The following VPS8 variants were observed in gnomAD, a reference collection of about 807,000 sequenced individuals.
VPS8 encodes the protein vacuolar protein sorting-associated protein 8 homolog.
Under a neutral mutation model 216.4 loss-of-function variants are expected in VPS8, and 129 were observed. The observed-to-expected ratio is 0.60, with a 90% CI of 0.52 to 0.69. The LOEUF is 0.69. Among genes scored for constraint, VPS8 ranks in the 30% least tolerant of loss-of-function variants. The pLI is 0.00. For missense variants in VPS8, 1,531 were observed against 1,683.5 expected (o/e 0.91, Z 1.59); for synonymous variants, 571 against 565.4 (o/e 1.01, Z -0.14).
rs1284386441 is a variant in VPS8, at chr3:184,929,586, A to G, written c.2721A>G (p.Gln907=). The G allele has an allele frequency of 2.0e-6, 3 of 1,512,970 alleles. No individual in the cohort carries two copies. The highest frequency in any genetic ancestry group is 2.7e-6 in the Non-Finnish European group (3 of 1,118,896). The allele number at this position is 1,512,970 out of a possible 1,614,324, so 93.7% of individuals were successfully genotyped here. A position where few individuals can be genotyped will look rare whatever the true frequency, so the allele number is the denominator to read the frequency against. ...IRMAEKAEFY[Q]ICEFMYEREH... is the part of the protein sequence containing the mutation. ...TTTTCCCTTTACATTCTAGCTATCA[A>G]ATTTGTGAATTTATGTATGAAAGAG... Residue 907 remains glutamine (Q), a synonymous_variant, in exon 33 of 48, where the codon CAA becomes CAG. Coordinates refer to ENST00000625842, the MANE Select transcript of VPS8 (RefSeq NM_001009921.3).
At chr3:184,911,440 C>G (rs1289541586) in intron 25 of VPS8, among the ~76,000 whole-genome samples, 2 of 152,110 alleles carry the variant, frequency 1.3e-5, no homozygotes, top group Admixed American at 6.5e-5. Flanking sequence ...TTTATTTTAC[C>G]AAGGTTGAGG....
intron 27 of VPS8, 66 bp downstream of exon 27, chr3:184,915,119 T>A: frequency 6.4e-7 from 1 of 1,564,156 alleles, no homozygotes; most frequent in South Asian, 1.1e-5. Context: ...TGAAGACAAA[T>A]TGCAGTTGAG....
At chr3:184,937,345 G>A (rs1741820420) in intron 35 of VPS8, among the ~76,000 whole-genome samples, 1 of 152,118 alleles carries the variant, frequency 6.6e-6, no homozygotes, top group Non-Finnish European at 1.5e-5. Context: ...ATAGTGGTTG[G>A]GAATAGCTGT....
At position 184,863,021 on chromosome 3, in the gene VPS8, G is replaced by T. The variant is rs1255297699; in HGVS notation, c.1349G>T (p.Ser450Ile). 2 of 1,613,904 alleles carry T rather than the reference G, an allele frequency of 1.2e-6. No homozygotes were observed. Among genetic ancestry groups the T allele is most frequent in the South Asian group, 2.2e-5 (2 of 91,078 alleles). ...ISEVQLVYNSSHFKSLATGGN... is the reference protein window; with the variant it reads ...ISEVQLVYNSIHFKSLATGGN... Reference sequence around the variant, plus strand: ...GAAGTTCAGCTGGTCTACAATAGCAGCCATTTCAAATCACTAGCCACTGGA... The same window carrying T: ...GAAGTTCAGCTGGTCTACAATAGCATCCATTTCAAATCACTAGCCACTGGA... Residue 450 changes from serine (S) to isoleucine (I), a missense_variant, in exon 16 of 48, where the codon AGC (serine) becomes ATC (isoleucine). Physicochemically the swap from Ser to Ile is moderately radical, Grantham distance 142. This residue lies in a region of VPS8 where 1,318 missense variants were observed against 1,468.4 expected (regional missense o/e 0.90). Transcript: ENST00000625842.
At chr3:184,987,948 A>G (rs1751365608) in intron 42 of VPS8, among the ~76,000 whole-genome samples, 1 of 152,168 alleles carries the variant, frequency 6.6e-6, no homozygotes, top group African/African-American at 2.4e-5. Context: ...TAGTCTCATC[A>G]TTGTTTTAAT....
intron 45 of VPS8, among the ~76,000 whole-genome samples, chr3:185,012,951 T>TTTCTA (rs1755237662): frequency 1.3e-5 from 2 of 151,626 alleles, no homozygotes; most frequent in African/African-American, 4.9e-5. Context: ...AGATTATAGA[T>TTTCTA]TAGCTAAAAG....
At chr3:184,870,560 G>T (rs1002723120) in intron 20 of VPS8, among the ~76,000 whole-genome samples, 156 bp from the exon 21 acceptor site, 1 of 152,146 alleles carries the variant, frequency 6.6e-6, no homozygotes, top group Non-Finnish European at 1.5e-5. Context: ...AAGAAATGAG[G>T]CTAGAGTTTT....
intron 16 of VPS8, among the ~76,000 whole-genome samples, chr3:184,866,529 G>A (rs1465499640): frequency 6.6e-6 from 1 of 152,172 alleles, no homozygotes; most frequent in African/African-American, 2.4e-5. Flanking sequence ...CCTAATGAGT[G>A]AATTTTATGG....
chr3:184,971,649 A>G lies in VPS8; in HGVS notation c.3317A>G (p.Asn1106Ser). 1 of 1,609,702 alleles carries G rather than the reference A, an allele frequency of 6.2e-7. No homozygotes were observed. The highest frequency in any genetic ancestry group is 8.5e-7 in the Non-Finnish European group (1 of 1,177,114). ...KLQEVTHQGE[N>S]TKEDPSLKDV... ...ATGTTTACACTTTTTCTAAATCTAGATACCAAAGAGGATCCCTCATTGAAG... is the reference window on the plus strand; with the variant it reads ...ATGTTTACACTTTTTCTAAATCTAGGTACCAAAGAGGATCCCTCATTGAAG... Residue 1106 changes from asparagine to serine, a missense_variant and splice_region_variant, in exon 40 of 48, where the codon AAT becomes AGT. By Grantham distance (46) the Asn-to-Ser change is conservative. Transcript: ENST00000625842.
At chr3:185,001,531 C>T (rs1458871159) in intron 45 of VPS8, among the ~76,000 whole-genome samples, 3 of 152,174 alleles carry the variant, frequency 2.0e-5, no homozygotes, top group Non-Finnish European at 4.4e-5. Flanking sequence ...CTGGGCCTAC[C>T]ACCTTCCTAG....
At position 184,861,537 on chromosome 3, in the gene VPS8, T is replaced by C. The variant is rs142525356; in HGVS notation, c.1225-1360T>C. 3.8e-3 allele frequency among the ~76,000 whole-genome samples: 582 copies of C among 152,314 alleles called. 3 individuals carry two copies. Among genetic ancestry groups the C allele is most frequent in the African/African-American group, 0.013 (561 of 41,566 alleles). On this transcript the variant is annotated intron_variant, in intron 15 of 47. Coordinates refer to ENST00000625842, the MANE Select transcript of VPS8 (RefSeq NM_001009921.3). Reference sequence around the variant, plus strand: ...TGTTCAGACTCTTAGAAGACATCAGTGTTGTCATCACCAGAACTGTCTTGT... The same window carrying C: ...TGTTCAGACTCTTAGAAGACATCAGCGTTGTCATCACCAGAACTGTCTTGT...
Position 184,886,149 on chromosome 3 carries a change from C to A in VPS8, c.1774C>A (p.Gln592Lys). 1 of 1,608,382 alleles carries A rather than the reference C, an allele frequency of 6.2e-7. No individual in the cohort carries two copies. Among genetic ancestry groups the A allele is most frequent in the Non-Finnish European group, 8.5e-7 (1 of 1,177,176 alleles). The stretch of plus-strand genomic sequence containing the variant: ...CATAGTTGATTACTGCCTTCTGCTG[C>A]AGCGAAAGTGAGTATGCGTTGCCTG... Reference protein sequence around the residue: ...PVIVDYCLLLQRKDLLFSQMY... With the variant: ...PVIVDYCLLLKRKDLLFSQMY... The change falls in exon 22 of 48, where the codon CAG becomes AAG. Residue 592 changes from glutamine (Q) to lysine (K), a missense_variant. This residue lies in a region of VPS8 where 1,318 missense variants were observed against 1,468.4 expected (regional missense o/e 0.90). Transcript: ENST00000625842.
At position 184,924,847 on chromosome 3, in the gene VPS8, T is replaced by C. The variant is rs1430521181; in HGVS notation, c.2455-15T>C. The C allele has an allele frequency of 6.2e-7, 1 of 1,603,646 alleles. No homozygotes were observed. Among genetic ancestry groups the C allele is most frequent in the Non-Finnish European group, 8.5e-7 (1 of 1,176,914 alleles). On this transcript the variant is annotated splice_polypyrimidine_tract_variant and intron_variant, in intron 29 of 47. Coordinates refer to ENST00000625842, the MANE Select transcript of VPS8 (RefSeq NM_001009921.3). ...CAAATGGTGTATTGAATAAATGGTC[T>C]CCTTTGCTCTTCAGGTTATGGTGGA...
intron 34 of VPS8, among the ~76,000 whole-genome samples, 182 bp from the exon 35 acceptor site, chr3:184,936,064 G>A (rs1279060044): frequency 6.6e-6 from 1 of 151,724 alleles, no homozygotes; most frequent in Non-Finnish European, 1.5e-5. Flanking sequence ...TTTTTACATG[G>A]CACATTTCTA....
chr3:184,868,134 G>A, intron 18 of VPS8, 75 bp downstream of exon 18: 1 of 1,484,892 alleles, frequency 6.7e-7, no homozygotes, highest in African/African-American at 1.4e-5. Context: ...TGACTTTTCA[G>A]AAGAAGATTA....
At chr3:184,928,625 C>A in intron 32 of VPS8, 92 bp downstream of exon 32, 1 of 931,998 alleles carries the variant, frequency 1.1e-6, no homozygotes, top group Non-Finnish European at 1.4e-6. Context: ...TACATTGCTG[C>A]TTTTTTAATT....
chr3:184,836,193 A>G (rs1721053961), intron 5 of VPS8: 3 of 449,496 alleles, frequency 6.7e-6, no homozygotes, highest in South Asian at 4.8e-5. Flanking sequence ...GAATTTAAAT[A>G]GAGAGATGCT....
chr3:184,993,847 G>A (rs1282546839), intron 42 of VPS8, 136 bp from the exon 43 acceptor site: 4 of 688,446 alleles, frequency 5.8e-6, no homozygotes, highest in Non-Finnish European at 9.4e-6. Context: ...CATTTCCGGT[G>A]GAAAGTTCAT....
chr3:184,910,578 A>G (rs926937672), intron 25 of VPS8, among the ~76,000 whole-genome samples: 1 of 152,144 alleles, frequency 6.6e-6, no homozygotes, highest in Non-Finnish European at 1.5e-5. Context: ...TTTTTCCTGC[A>G]TGGTGGTTTA....
Sources: allele counts gnomAD v4.1 joint callset (sites outside exome capture counted in the v4.1 genomes callset), GRCh38; gene constraint gnomAD v4.1.1; regional missense constraint gnomAD v4.1.1; transcripts MANE v1.5; gene names NCBI Gene and HGNC (gene_info 2026-07-23, HGNC 2026-07-21).